The following SMIM35 variants were observed in gnomAD, a reference collection of about 807,000 sequenced individuals.
SMIM35 encodes small integral membrane protein 35.
chr11:118,061,337 T>C (rs977019080), intron 1 of SMIM35, among the ~76,000 whole-genome samples: 5 of 152,208 alleles, frequency 3.3e-5, no homozygotes, highest in East Asian at 3.8e-4. Flanking sequence ...CCTCACAAGA[T>C]TGAAAAGATT....
intron 1 of SMIM35, among the ~76,000 whole-genome samples, chr11:118,064,114 G>A (rs915348984): frequency 1.3e-5 from 2 of 152,210 alleles, no homozygotes; most frequent in East Asian, 1.9e-4. Context: ...GAGTTGACTC[G>A]AAGTGTCAGC....
intron 1 of SMIM35, among the ~76,000 whole-genome samples, chr11:118,042,600 C>T (rs55730046): frequency 0.23 from 35,306 of 152,146 alleles, 4,706 homozygotes; most frequent in Non-Finnish European, 0.31. Flanking sequence ...CTTCCCAACT[C>T]ATTTTATAAG....
At chr11:118,036,615 G>T (rs140758368) in intron 1 of SMIM35, among the ~76,000 whole-genome samples, 6 of 152,332 alleles carry the variant, frequency 3.9e-5, no homozygotes, top group Admixed American at 2.0e-4. Context: ...TCCTTGGAGT[G>T]CCCCTCCAGC....
intron 1 of SMIM35, among the ~76,000 whole-genome samples, chr11:118,030,543 G>A (rs2058309463): frequency 6.6e-6 from 1 of 152,146 alleles, no homozygotes; most frequent in Admixed American, 6.6e-5. Context: ...TCTTTCTTGG[G>A]CCCAGCCGCC....
At chr11:118,013,215 T>C (rs2058159360) in intron 4 of SMIM35, among the ~76,000 whole-genome samples, 1 of 152,112 alleles carries the variant, frequency 6.6e-6, no homozygotes, top group Admixed American at 6.5e-5. Flanking sequence ...ATGAGGGCAG[T>C]CCAGGGGAGC....
intron 1 of SMIM35, among the ~76,000 whole-genome samples, chr11:118,043,755 A>G (rs1332446709): frequency 6.6e-6 from 1 of 150,452 alleles, no homozygotes; most frequent in Non-Finnish European, 1.5e-5. Flanking sequence ...GTGAGCCAAG[A>G]TCGCACCACT....
At chr11:118,061,786 A>G (rs1237039706) in intron 1 of SMIM35, among the ~76,000 whole-genome samples, 1 of 152,136 alleles carries the variant, frequency 6.6e-6, no homozygotes, top group Non-Finnish European at 1.5e-5. Context: ...ATATGATGCT[A>G]GACAGAGCCA....
intron 1 of SMIM35, among the ~76,000 whole-genome samples, chr11:118,020,052 C>G (rs766779831): frequency 2.6e-5 from 4 of 152,162 alleles, no homozygotes; most frequent in Non-Finnish European, 5.9e-5. Context: ...CAACTGAGGT[C>G]AGGAGTTCAA....
intron 1 of SMIM35, among the ~76,000 whole-genome samples, chr11:118,021,647 G>A (rs11216697): frequency 0.096 from 14,592 of 152,106 alleles, 972 homozygotes; most frequent in East Asian, 0.37. Context: ...AAGTGGCTCT[G>A]TGGATATCAG....
chr11:118,064,360 C>G (rs954400685), intron 1 of SMIM35, among the ~76,000 whole-genome samples: 4 of 152,198 alleles, frequency 2.6e-5, no homozygotes, highest in African/African-American at 7.2e-5. Flanking sequence ...ACTGTGTTCC[C>G]CATCCACATG....
intron 1 of SMIM35, among the ~76,000 whole-genome samples, chr11:118,039,494 G>T (rs1156628975): frequency 1.3e-5 from 2 of 152,032 alleles, no homozygotes; most frequent in Non-Finnish European, 2.9e-5. Flanking sequence ...TAGATCATTT[G>T]AGCCCAGGAG....
intron 1 of SMIM35, among the ~76,000 whole-genome samples, chr11:118,030,931 A>G (rs1026859931): frequency 6.6e-6 from 1 of 152,124 alleles, no homozygotes; most frequent in Non-Finnish European, 1.5e-5. Context: ...ATGAAGTATC[A>G]GAGCCCAAGT....
In SMIM35 at chr11:118,015,455, G is replaced by C. The variant is rs1330819648; in HGVS notation, c.124+238C>G. On this transcript the variant is annotated intron_variant, in intron 2 of 4. Transcript: ENST00000689828. ...TCTATGGGCTCTGAGGGAGGAGGAA[G>C]CTGGCTGCTTGCTGGGGTGGGAGGA... Among the ~76,000 whole-genome samples, 5 of 152,142 alleles carry C rather than the reference G, an allele frequency of 3.3e-5. No individual in the cohort carries two copies. The East Asian group carries it at 9.6e-4, about 29-fold the overall frequency.
intron 1 of SMIM35, among the ~76,000 whole-genome samples, chr11:118,045,202 T>C (rs1243708792): frequency 6.6e-6 from 1 of 152,216 alleles, no homozygotes; most frequent in Non-Finnish European, 1.5e-5. Context: ...GCCTACACTT[T>C]TCTCCAGCTG....
intron 1 of SMIM35, among the ~76,000 whole-genome samples, chr11:118,073,620 G>T (rs1364175224): frequency 6.6e-6 from 1 of 152,246 alleles, no homozygotes; most frequent in Non-Finnish European, 1.5e-5. Flanking sequence ...AAGGAAAGCA[G>T]TTGCAGGGAC....
chr11:118,039,917 G>A (rs1021465327), intron 1 of SMIM35, among the ~76,000 whole-genome samples: 3 of 151,648 alleles, frequency 2.0e-5, no homozygotes, highest in Admixed American at 2.0e-4. Flanking sequence ...TGGTGGCACA[G>A]GCCTGTAGTC....
chr11:118,039,636 G>C (rs953209701), intron 1 of SMIM35, among the ~76,000 whole-genome samples: 1 of 151,970 alleles, frequency 6.6e-6, no homozygotes, highest in Admixed American at 6.6e-5. Context: ...CTTGAGCCCA[G>C]GAGGTCAAGG....
At chr11:118,024,837 G>A (rs1377262840) in intron 1 of SMIM35, among the ~76,000 whole-genome samples, 1 of 152,134 alleles carries the variant, frequency 6.6e-6, no homozygotes, top group Non-Finnish European at 1.5e-5. Flanking sequence ...ATTGAATGAT[G>A]CTGAGGTTTG....
chr11:118,078,006 T>C (rs1591320529), intron 1 of SMIM35, among the ~76,000 whole-genome samples: 2 of 65,216 alleles, frequency 3.1e-5, no homozygotes, highest in African/African-American at 6.2e-5. Context: ...AGAGTGAAAC[T>C]CCGTCTCAAA....
Sources: allele counts gnomAD v4.1 joint callset (sites outside exome capture counted in the v4.1 genomes callset), GRCh38; gene constraint gnomAD v4.1.1; transcripts MANE v1.5; gene names NCBI Gene and HGNC (gene_info 2026-07-23, HGNC 2026-07-21).